The following MAOA variants were observed in gnomAD, a reference collection of about 807,000 sequenced individuals.
The protein encoded by MAOA is amine oxidase [flavin-containing] A.
A neutral mutation model predicts 42.0 loss-of-function variants in MAOA; 6 were observed. That is an observed-to-expected ratio of 0.14 (90% CI 0.08 to 0.28). The LOEUF (loss-of-function observed/expected upper bound fraction) is 0.28. Among genes scored for constraint, MAOA ranks in the 10% least tolerant of loss-of-function variants. MAOA has a pLI of 1.00. For missense variants in MAOA, 262 were observed against 422.3 expected, an observed-to-expected ratio of 0.62 and a Z score of 3.33; for synonymous variants, 140 against 154.0, an observed-to-expected ratio of 0.91 and a Z score of 0.67.
intron 1 of MAOA, among the ~76,000 whole-genome samples, chrX:43,680,297 A>G (rs1041106783): frequency 9.0e-6 from 1 of 111,590 alleles, no homozygotes; most frequent in East Asian, 2.8e-4. Context: ...GCAGGCATCA[A>G]GATAGAACTA....
intron 2 of MAOA, among the ~76,000 whole-genome samples, chrX:43,688,551 C>T (rs1290097278): frequency 4.5e-5 from 5 of 112,220 alleles, no homozygotes; most frequent in Admixed American, 3.8e-4. Context: ...GTCATCACTG[C>T]ATTGTGGTCA....
chrX:43,681,540 T>G (rs968240366), intron 1 of MAOA, among the ~76,000 whole-genome samples: 1 of 111,568 alleles, frequency 9.0e-6, no homozygotes, highest in Non-Finnish European at 1.9e-5. Context: ...TGAAGTTCTT[T>G]TTTATCTTTA....
chrX:43,666,649 A>G (rs889313954), intron 1 of MAOA, among the ~76,000 whole-genome samples: 1 of 110,671 alleles, frequency 9.0e-6, no homozygotes, highest in African/African-American at 3.3e-5. Context: ...TGATCTTTAA[A>G]AAAGTTAAAA....
At chrX:43,740,455 C>A (rs978600748) in intron 10 of MAOA, among the ~76,000 whole-genome samples, 16 of 111,587 alleles carry the variant, frequency 1.4e-4, no homozygotes, top group African/African-American at 4.2e-4. Context: ...AGAATAATTC[C>A]ATTGAATCCT....
chrX:43,676,435 C>T (rs1020519689), intron 1 of MAOA, among the ~76,000 whole-genome samples: 20 of 111,063 alleles, frequency 1.8e-4, no homozygotes, highest in Admixed American at 1.2e-3. Context: ...GGCTCGCGCA[C>T]GGTGCACCGC....
intron 12 of MAOA, 32 bp from the exon 13 acceptor site, chrX:43,743,762 T>A (rs1327309071): frequency 8.6e-7 from 1 of 1,162,345 alleles, no homozygotes; most frequent in Non-Finnish European, 1.2e-6. Flanking sequence ...CCTTCCCAAG[T>A]AACTCTGTGT....
intron 11 of MAOA, 80 bp from the exon 12 acceptor site, chrX:43,741,870 T>G (rs1252153715): frequency 4.2e-6 from 5 of 1,184,303 alleles, no homozygotes; most frequent in African/African-American, 1.8e-5. Flanking sequence ...GTAAACTTTT[T>G]GTTAAAGCAA....
At position 43,668,573 on chromosome X, in the gene MAOA, T is replaced by C. The variant is rs187667886; in HGVS notation, c.73+12159T>C. Among the ~76,000 whole-genome samples, 270 of 112,320 alleles carry C rather than the reference T, an allele frequency of 2.4e-3. 2 individuals carry two copies. Among genetic ancestry groups the C allele is most frequent in the African/African-American group, 8.3e-3 (258 of 31,025 alleles). ...AAAGAGTTAGAGAGAGATTCTGCTT[T>C]ACTTTTTAGATTTCCCCAAATCAGA... On this transcript the variant is annotated intron_variant, in intron 1 of 14. Coordinates refer to ENST00000338702, the MANE Select transcript of MAOA (RefSeq NM_000240.4).
intron 2 of MAOA, among the ~76,000 whole-genome samples, chrX:43,685,036 C>T (rs1004830988): frequency 2.8e-5 from 3 of 108,749 alleles, no homozygotes; most frequent in Admixed American, 9.9e-5. Flanking sequence ...CCCCCCACCA[C>T]GCCAGCCAAT....
At chrX:43,692,033 ACACACG>A (rs759198131) in intron 2 of MAOA, among the ~76,000 whole-genome samples, 4,272 of 71,109 alleles carry the variant, frequency 0.06, 80 homozygotes, top group Admixed American at 0.08. Flanking sequence ...ACACACACAC[ACACACG>A]CACGCACACA....
intron 5 of MAOA, among the ~76,000 whole-genome samples, chrX:43,725,803 C>T (rs953664328): frequency 5.4e-5 from 6 of 112,002 alleles, no homozygotes; most frequent in Non-Finnish European, 1.1e-4. Context: ...TTTGCAGTGG[C>T]TGGTACTGGT....
chrX:43,675,890 G>A (rs1467775453), intron 1 of MAOA, among the ~76,000 whole-genome samples: 3 of 112,081 alleles, frequency 2.7e-5, no homozygotes, highest in East Asian at 5.6e-4. Context: ...CGGGGGTCAG[G>A]GGTCAGGGAC....
chrX:43,727,498 A>T (rs1402560219), intron 5 of MAOA, among the ~76,000 whole-genome samples: 1 of 112,351 alleles, frequency 8.9e-6, no homozygotes, highest in African/African-American at 3.2e-5. Flanking sequence ...CAGCAATGGC[A>T]GATGCACCTC....
intron 5 of MAOA, among the ~76,000 whole-genome samples, chrX:43,716,001 G>T (rs1460076596): frequency 1.8e-5 from 2 of 110,403 alleles, no homozygotes; most frequent in African/African-American, 6.6e-5. Context: ...TAGAGAGATG[G>T]TATCTTCCAG....
chrX:43,684,913 T>A (rs779002572), intron 2 of MAOA, among the ~76,000 whole-genome samples: 1 of 100,676 alleles, frequency 9.9e-6, no homozygotes, highest in East Asian at 3.1e-4. Context: ...GTTTTGCTCT[T>A]GTCGCCCAGG....
chrX:43,738,484 G>C (rs1601949732), intron 10 of MAOA, among the ~76,000 whole-genome samples: 1 of 111,514 alleles, frequency 9.0e-6, no homozygotes, highest in East Asian at 2.8e-4. Context: ...TGGATTTCAG[G>C]TTTCACTCTG....
At chrX:43,719,550 G>A (rs994369447) in intron 5 of MAOA, among the ~76,000 whole-genome samples, 2 of 110,884 alleles carry the variant, frequency 1.8e-5, no homozygotes, top group East Asian at 2.9e-4. Flanking sequence ...GACCATAGGG[G>A]TAGATGGGAG....
intron 13 of MAOA, 39 bp downstream of exon 13, chrX:43,743,944 C>T (rs1205158861): frequency 6.0e-6 from 7 of 1,167,361 alleles, no homozygotes; most frequent in Admixed American, 5.2e-5. Context: ...TCCCGAGTCA[C>T]GGCAACGTTT....
At chrX:43,660,115 AC>A (rs752448264) in intron 1 of MAOA, among the ~76,000 whole-genome samples, 1 of 110,776 alleles carries the variant, frequency 9.0e-6, no homozygotes, top group Non-Finnish European at 1.9e-5. Context: ...ATTATTCCAT[AC>A]CTCTATGTCT....
Sources: allele counts gnomAD v4.1 joint callset (sites outside exome capture counted in the v4.1 genomes callset), GRCh38; gene constraint gnomAD v4.1.1; transcripts MANE v1.5; gene names NCBI Gene and HGNC (gene_info 2026-07-23, HGNC 2026-07-21).